Variants in PAX5 observed in about 807,000 individuals in gnomAD.
The protein encoded by PAX5 is paired box protein Pax-5.
A neutral mutation model predicts 43.7 loss-of-function variants in PAX5; 9 were observed. The observed-to-expected ratio is 0.21, with a 90% CI of 0.12 to 0.36. The LOEUF (loss-of-function observed/expected upper bound fraction) is 0.36. Ranked by LOEUF, PAX5 falls within the 10% of genes least tolerant of loss-of-function variation. The pLI is 1.00. For missense variants in PAX5, 383 were observed against 532.7 expected (o/e 0.72, Z 2.77); for synonymous variants, 228 against 214.3 (o/e 1.06, Z -0.56).
chr9:37,020,531 G>A, intron 2 of PAX5, 105 bp downstream of exon 2: 1 of 1,198,758 alleles, frequency 8.3e-7, no homozygotes, highest in Non-Finnish European at 1.2e-6. Context: ...GAAACAAAAT[G>A]CCACCATGAT....
At chr9:36,996,960 C>T (rs548012988) in intron 5 of PAX5, among the ~76,000 whole-genome samples, 36 of 152,064 alleles carry the variant, frequency 2.4e-4, no homozygotes, top group African/African-American at 6.5e-4. Context: ...AGAGCTAGAC[C>T]GGGAGACAGA....
rs538759595 is a variant in PAX5 at position 36,862,312 on chromosome 9, A to T, written c.1013-15383T>A. ...CACCAGGAATGCAGGAGGACGATGC[A>T]TCCCGATTCTCCACAAGGGGGAGCC... is the stretch of plus-strand genomic sequence containing the variant. On this transcript the variant is annotated intron_variant, in intron 8 of 9. Transcript: ENST00000358127. 5.9e-5 allele frequency among the ~76,000 whole-genome samples: 9 copies of T among 152,284 alleles called. No homozygotes were observed. In the South Asian group the frequency reaches 6.2e-4, roughly 11 times the overall value.
intron 3 of PAX5, among the ~76,000 whole-genome samples, chr9:37,009,983 C>G (rs1311531876): frequency 6.6e-6 from 1 of 152,142 alleles, no homozygotes; most frequent in East Asian, 1.9e-4. Context: ...GAAGCTGCCC[C>G]CAGGGGTGAG....
chr9:36,966,450 T>C (rs980365549), intron 6 of PAX5, 99 bp downstream of exon 6: 1 of 1,291,670 alleles, frequency 7.7e-7, no homozygotes, highest in Non-Finnish European at 1.1e-6. Flanking sequence ...GAACCTGGTG[T>C]GCCCTCACCC....
intron 8 of PAX5, among the ~76,000 whole-genome samples, chr9:36,852,327 T>C (rs968798161): frequency 6.6e-6 from 1 of 152,070 alleles, no homozygotes; most frequent in African/African-American, 2.4e-5. Context: ...CCGGAAGGGA[T>C]TGGTGAGATC....
At chr9:36,850,141 C>G (rs1055470504) in intron 8 of PAX5, among the ~76,000 whole-genome samples, 1 of 152,228 alleles carries the variant, frequency 6.6e-6, no homozygotes, top group East Asian at 1.9e-4. Flanking sequence ...CAGAACGTGG[C>G]CCCTGCATGG....
intron 6 of PAX5, among the ~76,000 whole-genome samples, chr9:36,943,025 C>T (rs1249771333): frequency 6.6e-6 from 1 of 152,228 alleles, no homozygotes; most frequent in Non-Finnish European, 1.5e-5. Flanking sequence ...TTTCCCTACC[C>T]AGGGCCTGCT....
At chr9:36,925,813 T>C (rs1830599880) in intron 6 of PAX5, among the ~76,000 whole-genome samples, 1 of 152,160 alleles carries the variant, frequency 6.6e-6, no homozygotes, top group Non-Finnish European at 1.5e-5. Context: ...ACTGTGGGGT[T>C]AGTGGTGGGA....
chr9:36,844,202 C>G (rs1329566599), intron 9 of PAX5, among the ~76,000 whole-genome samples: 1 of 152,166 alleles, frequency 6.6e-6, no homozygotes, highest in Admixed American at 6.5e-5. Flanking sequence ...ACTCCCAAGG[C>G]CTGTTTCTAC....
chr9:36,964,122 A>G (rs529464412), intron 6 of PAX5, among the ~76,000 whole-genome samples: 1 of 152,048 alleles, frequency 6.6e-6, no homozygotes, highest in African/African-American at 2.4e-5. Flanking sequence ...CTACTAAAAA[A>G]TAGAAAAAAT....
chr9:36,841,729 C>T (rs1021988866), intron 9 of PAX5, among the ~76,000 whole-genome samples: 2 of 152,216 alleles, frequency 1.3e-5, no homozygotes, highest in Admixed American at 6.5e-5. Flanking sequence ...ACCCCCTGCC[C>T]ATTCATTCAT....
intron 6 of PAX5, among the ~76,000 whole-genome samples, chr9:36,961,871 TTCTTC>T: frequency 6.6e-6 from 1 of 152,354 alleles, no homozygotes; most frequent in South Asian, 2.1e-4. Flanking sequence ...TTCTTTTCTT[TTCTTC>T]CTCCAACGTG....
chr9:36,883,189 C>A (rs1321879246), intron 7 of PAX5, among the ~76,000 whole-genome samples: 3 of 152,180 alleles, frequency 2.0e-5, no homozygotes, highest in Admixed American at 6.5e-5. Flanking sequence ...TGGATCCTTT[C>A]TTCAACGGTG....
intron 6 of PAX5, among the ~76,000 whole-genome samples, chr9:36,928,440 G>A (rs1830836999): frequency 6.6e-6 from 1 of 152,176 alleles, no homozygotes; most frequent in African/African-American, 2.4e-5. Flanking sequence ...CATACTTGGT[G>A]GCTTTTTGCA....
chr9:36,963,236 G>A (rs1435423826), intron 6 of PAX5, among the ~76,000 whole-genome samples: 1 of 152,176 alleles, frequency 6.6e-6, no homozygotes, highest in African/African-American at 2.4e-5. Context: ...GTCTCAGAGC[G>A]CACAGTCAGA....
chr9:36,903,018 T>G (rs73648170), intron 7 of PAX5, among the ~76,000 whole-genome samples: 7,265 of 152,170 alleles, frequency 0.048, 299 homozygotes, highest in Admixed American at 0.097. Context: ...GGGCCGAGGT[T>G]CCCCACCCCT....
chr9:37,005,116 A>T (rs1838279917), intron 4 of PAX5, among the ~76,000 whole-genome samples: 1 of 152,348 alleles, frequency 6.6e-6, no homozygotes, highest in African/African-American at 2.4e-5. Flanking sequence ...GTCAGCTACA[A>T]GTGAAATCTC....
intron 7 of PAX5, among the ~76,000 whole-genome samples, chr9:36,910,591 G>A (rs944060): frequency 0.53 from 80,221 of 151,786 alleles, 21,318 homozygotes; most frequent in East Asian, 0.67. Flanking sequence ...GGGGTGTGTT[G>A]GGCAGTGCCT....
intron 6 of PAX5, among the ~76,000 whole-genome samples, chr9:36,961,979 A>G (rs1465055816): frequency 2.0e-5 from 3 of 152,236 alleles, no homozygotes; most frequent in Non-Finnish European, 4.4e-5. Flanking sequence ...CGTGGTCAAC[A>G]TTAACGCCTT....
Sources: gnomAD v4.1 joint callset for allele counts (sites outside exome capture counted in the v4.1 genomes callset) on GRCh38, gnomAD v4.1.1 for gene constraint, MANE v1.5 for transcripts, NCBI Gene and HGNC (gene_info 2026-07-23, HGNC 2026-07-21) for gene names.